The following PPP1R14C variants were observed in gnomAD, a reference collection of about 807,000 sequenced individuals.
The protein encoded by PPP1R14C is protein phosphatase 1 regulatory inhibitor subunit 14C, also known as protein phosphatase 1 regulatory subunit 14C.
A neutral mutation model predicts 20.4 loss-of-function variants in PPP1R14C; 16 were observed. That is an observed-to-expected ratio of 0.78 (90% CI 0.53 to 1.19). PPP1R14C has a LOEUF of 1.19. PPP1R14C is among the 50% of genes most tolerant of loss of function. The pLI is 0.00. For missense variants in PPP1R14C, 211 were observed against 220.1 expected (o/e 0.96, Z 0.26); for synonymous variants, 91 against 91.0 (o/e 1.00, Z 0.00).
chr6:150,245,126 G>A (rs1012045297), intron 3 of PPP1R14C, among the ~76,000 whole-genome samples: 1 of 151,980 alleles, frequency 6.6e-6, no homozygotes, highest in Admixed American at 6.6e-5. Context: ...CCCCCTCCCC[G>A]CCACACCCTA....
At chr6:150,177,322 G>C (rs11759065) in intron 1 of PPP1R14C, among the ~76,000 whole-genome samples, 18,936 of 152,210 alleles carry the variant, frequency 0.12, 1,386 homozygotes, top group East Asian at 0.22. Context: ...CATAGTTTCA[G>C]AGCCATATAT....
At chr6:150,187,139 C>A in intron 1 of PPP1R14C, among the ~76,000 whole-genome samples, 1 of 151,902 alleles carries the variant, frequency 6.6e-6, no homozygotes. Flanking sequence ...CCATGCCCAG[C>A]AAATTTTTGT....
At chr6:150,241,738 T>C (rs1234827871) in intron 3 of PPP1R14C, among the ~76,000 whole-genome samples, 1 of 152,080 alleles carries the variant, frequency 6.6e-6, no homozygotes, top group East Asian at 1.9e-4. Context: ...AATACAAAAA[T>C]TAGCTGGGCA....
chr6:150,232,333 C>T (rs1308161528), intron 3 of PPP1R14C, among the ~76,000 whole-genome samples: 2 of 152,092 alleles, frequency 1.3e-5, no homozygotes, highest in Non-Finnish European at 2.9e-5. Context: ...AATCCTTTGA[C>T]CTTGATATAG....
chr6:150,222,277 T>A (rs989493009), intron 3 of PPP1R14C, among the ~76,000 whole-genome samples: 18 of 149,290 alleles, frequency 1.2e-4, no homozygotes, highest in Non-Finnish European at 2.2e-4. Flanking sequence ...AAGATAATTT[T>A]AAGTAGACTT....
chr6:150,209,580 G>A (rs544815699), intron 1 of PPP1R14C, among the ~76,000 whole-genome samples: 2 of 151,538 alleles, frequency 1.3e-5, no homozygotes, highest in Admixed American at 1.3e-4. Context: ...GTGTATGTTT[G>A]TGTATATATT....
intron 1 of PPP1R14C, among the ~76,000 whole-genome samples, chr6:150,174,269 G>C (rs1777532683): frequency 6.6e-6 from 1 of 152,114 alleles, no homozygotes; most frequent in African/African-American, 2.4e-5. Flanking sequence ...GCCCAGGCTG[G>C]AGTGCAGTGG....
intron 3 of PPP1R14C, among the ~76,000 whole-genome samples, chr6:150,246,382 G>A (rs796871): frequency 0.97 from 147,527 of 152,272 alleles, 71,487 homozygotes; most frequent in East Asian, 1. Context: ...AAAAACAACA[G>A]AATTGAAACT....
chr6:150,143,567 C>T lies in PPP1R14C; in HGVS notation c.306+69C>T. The T allele has an allele frequency of 8.5e-7, 1 of 1,182,830 alleles. No homozygotes were observed. Among genetic ancestry groups the T allele is most frequent in the South Asian group, 1.4e-5 (1 of 69,368 alleles). 73.3% of individuals were successfully genotyped at this position (1,182,830 alleles called of 1,614,324 possible). A position where few individuals can be genotyped will look rare whatever the true frequency, so the allele number is the denominator to read the frequency against. On this transcript the variant is annotated intron_variant, in intron 1 of 3. Coordinates refer to ENST00000361131, the MANE Select transcript of PPP1R14C (RefSeq NM_030949.3). This position sits in a 1 kb window ranked among gnomAD's most constrained non-coding sequence, Gnocchi z 5.6. ...CCTCTGTGCCCGCGCAGTAATTTTC[C>T]CGGGCTCCAGCTCCGGGGCGCGCAT...
chr6:150,172,749 C>T (rs1328451455), intron 1 of PPP1R14C, among the ~76,000 whole-genome samples: 1 of 152,114 alleles, frequency 6.6e-6, no homozygotes, highest in African/African-American at 2.4e-5. Flanking sequence ...GGTGCTGTAA[C>T]TGATGTGGGG....
chr6:150,143,638 C>T lies in PPP1R14C; in HGVS notation c.306+140C>T, dbSNP rs1024486934. 4.0e-5 allele frequency: 26 copies of T among 649,574 alleles called. No homozygotes were observed. The African/African-American group carries it at 4.5e-4, about 11-fold the overall frequency. The allele number at this position is 649,574 out of a possible 1,614,324, so 40.2% of individuals were successfully genotyped here. ...AAGTGCCAGGAGCGAGGCGCGGCGC[C>T]TTCTCTCCCCCGCGGTGCCCTCTGG... On this transcript the variant is annotated intron_variant, in intron 1 of 3. Coordinates refer to ENST00000361131, the MANE Select transcript of PPP1R14C (RefSeq NM_030949.3). The surrounding 1 kb of genome is among the most constrained non-coding windows in gnomAD (Gnocchi z 5.6).
intron 1 of PPP1R14C, among the ~76,000 whole-genome samples, chr6:150,147,634 T>A (rs1424348566): frequency 2.0e-5 from 3 of 152,254 alleles, no homozygotes; most frequent in Non-Finnish European, 2.9e-5. Flanking sequence ...CAATTTGCTT[T>A]GGAAATAAAA....
In PPP1R14C at chr6:150,143,343, G is replaced by T; in HGVS notation, c.151G>T (p.Ala51Ser). 1 of 1,603,166 alleles carries T rather than the reference G, an allele frequency of 6.2e-7. No homozygotes were observed. Among genetic ancestry groups the T allele is most frequent in the Non-Finnish European group, 8.5e-7 (1 of 1,176,404 alleles). ...GSSREDSAPVATAAAAGQVQQ... is the reference protein window; with the variant it reads ...GSSREDSAPVSTAAAAGQVQQ... ...CTCCCGGGAGGACTCGGCGCCCGTG[G>T]CCACGGCGGCCGCTGCAGGGCAGGT... is the stretch of plus-strand genomic sequence containing the variant. The change falls in exon 1 of 4, where the codon GCC (alanine) becomes TCC (serine). Residue 51 changes from alanine (A) to serine (S), a missense_variant. Ala to Ser is a moderately conservative substitution (Grantham distance 99). Transcript: ENST00000361131. The surrounding 1 kb of genome is among the most constrained non-coding windows in gnomAD (Gnocchi z 5.6).
intron 1 of PPP1R14C, among the ~76,000 whole-genome samples, chr6:150,197,168 C>A (rs1370048194): frequency 6.6e-6 from 1 of 152,208 alleles, no homozygotes; most frequent in African/African-American, 2.4e-5. Context: ...TCTGCCCCTG[C>A]CTACCTCAGG....
At chr6:150,246,139 C>G (rs2114935793) in intron 3 of PPP1R14C, among the ~76,000 whole-genome samples, 1 of 152,120 alleles carries the variant, frequency 6.6e-6, no homozygotes, top group South Asian at 2.1e-4. Context: ...TTTCAATTAT[C>G]CAAATTTAAA....
intron 1 of PPP1R14C, among the ~76,000 whole-genome samples, chr6:150,145,957 T>C (rs1043503260): frequency 6.6e-6 from 1 of 152,166 alleles, no homozygotes; most frequent in African/African-American, 2.4e-5. Flanking sequence ...TTTGGAGCAG[T>C]GTAAAGTGAT....
At chr6:150,236,811 C>T (rs986405757) in intron 3 of PPP1R14C, among the ~76,000 whole-genome samples, 4 of 152,098 alleles carry the variant, frequency 2.6e-5, no homozygotes, top group African/African-American at 4.8e-5. Context: ...GATTTTGGTC[C>T]TGGGCTGTTG....
intron 1 of PPP1R14C, among the ~76,000 whole-genome samples, chr6:150,186,371 A>T (rs1777677002): frequency 6.6e-6 from 1 of 151,976 alleles, no homozygotes; most frequent in South Asian, 2.1e-4. Context: ...CTCAGAGGGG[A>T]GTGTGTTACC....
intron 3 of PPP1R14C, among the ~76,000 whole-genome samples, chr6:150,231,154 G>A (rs1055198036): frequency 6.6e-6 from 1 of 152,098 alleles, no homozygotes; most frequent in African/African-American, 2.4e-5. Flanking sequence ...ACTCCAGGGG[G>A]AGAGAAAGGA....
Sources: gnomAD v4.1 joint callset for allele counts (sites outside exome capture counted in the v4.1 genomes callset) on GRCh38, gnomAD v4.1.1 for gene constraint, Gnocchi (gnomAD v3.1) non-coding constraint, MANE v1.5 for transcripts, NCBI Gene and HGNC (gene_info 2026-07-23, HGNC 2026-07-21) for gene names.